ANK2: variants seen among roughly 807,000 people sequenced by gnomAD.
ANK2 encodes ankyrin-2.
A neutral mutation model predicts 360.5 loss-of-function variants in ANK2; 83 were observed. The observed-to-expected ratio is 0.23, with a 90% CI of 0.19 to 0.28. The LOEUF (loss-of-function observed/expected upper bound fraction) is 0.28, where lower values mean the gene tolerates loss of function less well. ANK2 is among the 10% of genes least tolerant of loss of function. The pLI, the probability that ANK2 is intolerant of heterozygous loss-of-function variation, is 1.00. For synonymous variants in ANK2, 1,740 were observed against 1,759.5 expected (o/e 0.99, Z 0.28); for missense variants, 4,201 against 4,795.7 (o/e 0.88, Z 3.66).
intron 23 of ANK2, among the ~76,000 whole-genome samples, chr4:113,307,321 T>C (rs1317594095): frequency 6.6e-6 from 1 of 152,138 alleles, no homozygotes; most frequent in African/African-American, 2.4e-5. Flanking sequence ...GCAGGAATAA[T>C]GCTTGCTTGA....
rs908987494 is a variant in ANK2 at position 112,966,314 on chromosome 4, G to A, written c.21+61800G>A. Among the ~76,000 whole-genome samples the A allele has an allele frequency of 3.3e-5, 5 of 151,488 alleles. No individual in the cohort carries two copies. In the East Asian group the frequency reaches 5.8e-4, roughly 18 times the overall value. ...AAAATAATTCTTGTTTATGCAATTC[G>A]AGCATAACTCTTTTAATATATATAT... On this transcript the variant is annotated intron_variant, in intron 2 of 30. Transcript: ENST00000503271.
intron 7 of ANK2, among the ~76,000 whole-genome samples, chr4:113,238,199 G>A (rs938646668): frequency 2.0e-5 from 3 of 152,102 alleles, no homozygotes; most frequent in Non-Finnish European, 4.4e-5. Flanking sequence ...CAATCAATAA[G>A]AACATTAAGT....
At chr4:112,845,771 C>T (rs1331273064) in intron 1 of ANK2, among the ~76,000 whole-genome samples, 1 of 152,186 alleles carries the variant, frequency 6.6e-6, no homozygotes, top group East Asian at 1.9e-4. Context: ...CAAGTATTTA[C>T]TAAAAAAGTT....
chr4:112,775,308 C>A, the ANK2 span, among the ~76,000 whole-genome samples: 1 of 151,982 alleles, frequency 6.6e-6, no homozygotes, highest in Non-Finnish European at 1.5e-5. Flanking sequence ...TACTTGAGGT[C>A]GGAAGTTCGA....
chr4:113,346,499 G>A lies in ANK2; in HGVS notation c.4371+477G>A, dbSNP rs75050099. 0.012 allele frequency among the ~76,000 whole-genome samples: 1,856 copies of A among 152,056 alleles called. 138 individuals carry two copies. The East Asian group carries it at 0.22, about 18-fold the overall frequency. ...ATATTATTAAATTCAGAACTGCCCC[G>A]TGATATTTTATTTTTTCTAAGTAAT... On this transcript the variant is annotated intron_variant, in intron 35 of 45. Coordinates refer to ENST00000357077, the MANE Select transcript of ANK2 (RefSeq NM_001148.6).
intron 2 of ANK2, among the ~76,000 whole-genome samples, chr4:112,958,840 A>G (rs1366184541): frequency 1.2e-5 from 1 of 83,784 alleles, no homozygotes. Context: ...GGGGTACAAG[A>G]GAAGATTTCT....
chr4:112,892,872 A>G (rs370440217), intron 1 of ANK2, among the ~76,000 whole-genome samples: 1 of 152,206 alleles, frequency 6.6e-6, no homozygotes, highest in Non-Finnish European at 1.5e-5. Context: ...TCGAACTCCA[A>G]GTATTTTGCT....
At chr4:112,867,695 A>T (rs1391467788) in intron 1 of ANK2, among the ~76,000 whole-genome samples, 3 of 148,674 alleles carry the variant, frequency 2.0e-5, no homozygotes, top group Non-Finnish European at 3.0e-5. Flanking sequence ...CATTTGGCAT[A>T]ATGTTTTCTA....
intron 45 of ANK2, chr4:113,378,202 A>T (rs1325194767): frequency 8.7e-7 from 1 of 1,146,648 alleles, no homozygotes; most frequent in East Asian, 5.9e-5. Flanking sequence ...GCATGGGGTG[A>T]TGCTTTGCCA....
the ANK2 span, among the ~76,000 whole-genome samples, chr4:112,790,466 C>A: frequency 6.7e-6 from 1 of 149,644 alleles, no homozygotes; most frequent in African/African-American, 2.4e-5. Flanking sequence ...AGTCAGGGGC[C>A]CCATTAACTT....
intron 5 of ANK2, among the ~76,000 whole-genome samples, chr4:113,233,104 CTGTTTTTTTTTTTTTTTTTTTTTTTTTT>C (rs2099331621): frequency 3.4e-5 from 1 of 29,296 alleles, no homozygotes; most frequent in African/African-American, 1.4e-4. Flanking sequence ...CTTGGCTTTT[CTGTTTTTTTTTTTTTTTTTTTTTTTTTT>C]TTTTTTTTTT....
the ANK2 span, among the ~76,000 whole-genome samples, chr4:112,725,787 A>G: frequency 1.2e-4 from 18 of 152,248 alleles, no homozygotes; most frequent in African/African-American, 4.1e-4. Flanking sequence ...GGGGAATGGG[A>G]AGTTGTTGTT....
intron 1 of ANK2, among the ~76,000 whole-genome samples, chr4:113,166,355 A>G (rs2097756305): frequency 6.6e-6 from 1 of 152,092 alleles, no homozygotes; most frequent in Admixed American, 6.6e-5. Context: ...ATGTCATGAA[A>G]TACCAAATAC....
At chr4:112,770,702 TC>T in the ANK2 span, among the ~76,000 whole-genome samples, 2 of 111,992 alleles carry the variant, frequency 1.8e-5, no homozygotes, top group East Asian at 5.1e-4. Flanking sequence ...CAAGACTCTC[TC>T]TCTCTCTCAA....
At position 113,382,552 on chromosome 4, in the gene ANK2, G is replaced by C. The variant is rs1010448483; in HGVS notation, c.*1081G>C. Reference sequence around the variant, plus strand: ...GGTACTTTCTTCTGGCCACTGCACTGTAGATAATTCATTGGAAACAAGATT... The same window carrying C: ...GGTACTTTCTTCTGGCCACTGCACTCTAGATAATTCATTGGAAACAAGATT... On this transcript the variant is annotated 3_prime_UTR_variant, in exon 46 of 46. Transcript: ENST00000357077. The C allele has an allele frequency of 2.0e-5, 3 of 152,520 alleles. No individual in the cohort carries two copies. The highest frequency in any genetic ancestry group is 7.2e-5 in the African/African-American group (3 of 41,424). 9.4% of individuals were successfully genotyped at this position (152,520 alleles called of 1,614,324 possible). A position where few individuals can be genotyped will look rare whatever the true frequency, so the allele number is the denominator to read the frequency against.
intron 2 of ANK2, among the ~76,000 whole-genome samples, chr4:112,906,845 TGTA>T (rs2085398694): frequency 6.6e-6 from 1 of 152,146 alleles, no homozygotes; most frequent in Non-Finnish European, 1.5e-5. Flanking sequence ...ACTGGGAATT[TGTA>T]GTATCATCAA....
chr4:112,940,595 A>G (rs903461872), intron 2 of ANK2, among the ~76,000 whole-genome samples: 4 of 152,192 alleles, frequency 2.6e-5, no homozygotes, highest in African/African-American at 9.6e-5. Flanking sequence ...GGCATTGTGT[A>G]GAAAATTAGA....
the ANK2 span, among the ~76,000 whole-genome samples, chr4:112,795,398 A>AAAGTGTAT: frequency 6.6e-6 from 1 of 152,184 alleles, no homozygotes; most frequent in Non-Finnish European, 1.5e-5. Context: ...GTGCTCAGGT[A>AAAGTGTAT]AAGTGTATAA....
chr4:113,031,197 A>T (rs2060327457), intron 2 of ANK2: 3 of 152,226 alleles, frequency 2.0e-5, no homozygotes, highest in Admixed American at 2.0e-4. Flanking sequence ...AATTTAAAAT[A>T]AATGGAGGGA....
Sources: allele counts gnomAD v4.1 joint callset (sites outside exome capture counted in the v4.1 genomes callset), GRCh38; gene constraint gnomAD v4.1.1; transcripts MANE v1.5; gene names NCBI Gene and HGNC (gene_info 2026-07-23, HGNC 2026-07-21).